SSH2: variants seen among roughly 807,000 people sequenced by gnomAD.
SSH2 encodes the protein slingshot protein phosphatase 2, also known as protein phosphatase Slingshot homolog 2.
SSH2 carries 37 observed loss-of-function variants against 135.2 expected under a neutral mutation model. The observed-to-expected ratio is 0.27, with a 90% CI of 0.21 to 0.36. SSH2 has a LOEUF of 0.36. Among genes scored for constraint, SSH2 ranks in the 10% least tolerant of loss-of-function variants. The pLI is 1.00. For missense variants in SSH2, 1,408 were observed against 1,765.3 expected (o/e 0.80, Z 3.63); for synonymous variants, 628 against 646.2 (o/e 0.97, Z 0.43).
At chr17:29,737,260 T>G (rs191764661) in intron 3 of SSH2, among the ~76,000 whole-genome samples, 2 of 152,248 alleles carry the variant, frequency 1.3e-5, no homozygotes, top group African/African-American at 4.8e-5. Flanking sequence ...ATGTCTACAC[T>G]TCCGTTTGTG....
chr17:29,795,519 T>C (rs566539128), intron 2 of SSH2, among the ~76,000 whole-genome samples: 4 of 152,174 alleles, frequency 2.6e-5, no homozygotes, highest in African/African-American at 7.2e-5. Flanking sequence ...TGAAAAAAGG[T>C]TTAAAATGGG....
intron 3 of SSH2, among the ~76,000 whole-genome samples, chr17:29,721,773 T>C (rs1288120152): frequency 2.0e-5 from 3 of 152,158 alleles, no homozygotes; most frequent in African/African-American, 7.2e-5. Flanking sequence ...GATGTGTCCT[T>C]ATTCACCATT....
At chr17:29,826,165 A>G (rs771758782) in intron 2 of SSH2, among the ~76,000 whole-genome samples, 45 of 152,298 alleles carry the variant, frequency 3.0e-4, no homozygotes, top group Non-Finnish European at 5.0e-4. Flanking sequence ...TTTCTCATTT[A>G]TGTTACATGT....
chr17:29,704,362 G>A (rs2039113365), intron 3 of SSH2, among the ~76,000 whole-genome samples: 1 of 152,116 alleles, frequency 6.6e-6, no homozygotes, highest in Non-Finnish European at 1.5e-5. Context: ...TTCACAAGAT[G>A]ATAATATAGG....
intron 4 of SSH2, among the ~76,000 whole-genome samples, chr17:29,699,116 T>C (rs187201009): frequency 1.6e-3 from 237 of 152,338 alleles, no homozygotes; most frequent in Admixed American, 0.011. Context: ...AGGCAATATA[T>C]TGATATAGCA....
At chr17:29,837,374 A>C (rs1473445630) in intron 2 of SSH2, among the ~76,000 whole-genome samples, 1 of 152,194 alleles carries the variant, frequency 6.6e-6, no homozygotes. Flanking sequence ...GAAAGAAAGG[A>C]AAAAATTAAT....
At chr17:29,875,683 T>C (rs753569014) in intron 1 of SSH2, among the ~76,000 whole-genome samples, 2 of 152,188 alleles carry the variant, frequency 1.3e-5, no homozygotes, top group Non-Finnish European at 2.9e-5. Context: ...CACTACATTA[T>C]GATCCGGCCA....
chr17:29,906,512 T>C (rs1451917986), intron 1 of SSH2, among the ~76,000 whole-genome samples: 1 of 152,054 alleles, frequency 6.6e-6, no homozygotes, highest in Non-Finnish European at 1.5e-5. Flanking sequence ...AACTGACAAA[T>C]GGGATCTAAC....
chr17:29,763,367 C>T (rs1438851208), intron 3 of SSH2, among the ~76,000 whole-genome samples: 1 of 152,040 alleles, frequency 6.6e-6, no homozygotes, highest in Non-Finnish European at 1.5e-5. Context: ...GTGTCAGCAG[C>T]CACCCAAATG....
intron 3 of SSH2, among the ~76,000 whole-genome samples, chr17:29,724,427 C>T (rs2039920529): frequency 6.8e-6 from 1 of 146,964 alleles, no homozygotes; most frequent in Non-Finnish European, 1.5e-5. Context: ...ACCTGGGAGG[C>T]TGAGGCAGGG....
At chr17:29,805,256 C>T (rs1002726665) in intron 2 of SSH2, among the ~76,000 whole-genome samples, 4 of 151,948 alleles carry the variant, frequency 2.6e-5, no homozygotes, top group Middle Eastern at 3.2e-3. Context: ...CCCGGGTTCA[C>T]GCCATTCTCC....
intron 11 of SSH2, among the ~76,000 whole-genome samples, chr17:29,659,855 G>A (rs897889085): frequency 9.4e-5 from 14 of 148,878 alleles, no homozygotes; most frequent in Admixed American, 8.1e-4. Flanking sequence ...TTTTTGAGAC[G>A]GAGTCTCGCT....
chr17:29,640,467 G>A (rs146016728), intron 14 of SSH2, among the ~76,000 whole-genome samples: 2 of 152,314 alleles, frequency 1.3e-5, no homozygotes, highest in African/African-American at 4.8e-5. Context: ...CAGCAACAGT[G>A]CATGTTTCAG....
At chr17:29,642,048 A>G (rs1473907472) in intron 14 of SSH2, among the ~76,000 whole-genome samples, 3 of 151,772 alleles carry the variant, frequency 2.0e-5, no homozygotes, top group Non-Finnish European at 4.4e-5. Context: ...GAGAAAAAGC[A>G]TTATCTGAAT....
chr17:29,717,758 G>A (rs2039676260), intron 3 of SSH2, among the ~76,000 whole-genome samples: 1 of 152,214 alleles, frequency 6.6e-6, no homozygotes, highest in Non-Finnish European at 1.5e-5. Flanking sequence ...GGGGGAGCTA[G>A]GCATGGTGGT....
intron 3 of SSH2, among the ~76,000 whole-genome samples, chr17:29,749,175 C>A (rs1489043506): frequency 6.6e-6 from 1 of 152,200 alleles, no homozygotes; most frequent in Non-Finnish European, 1.5e-5. Flanking sequence ...ATTTACAACA[C>A]ATAAGAAGCC....
chr17:29,730,040 CAGG>C (rs1204924009), intron 3 of SSH2, among the ~76,000 whole-genome samples: 2 of 151,946 alleles, frequency 1.3e-5, no homozygotes, highest in Non-Finnish European at 2.9e-5. Flanking sequence ...TAAAAGAGGC[CAGG>C]CATGGTGGCT....
chr17:29,779,524 G>T (rs889529462), intron 3 of SSH2, among the ~76,000 whole-genome samples: 1 of 152,042 alleles, frequency 6.6e-6, no homozygotes, highest in Admixed American at 6.6e-5. Context: ...GCACAGTCAG[G>T]GTGCAGAAAG....
At chr17:29,902,992 C>A (rs1423586624) in intron 1 of SSH2, among the ~76,000 whole-genome samples, 1 of 152,082 alleles carries the variant, frequency 6.6e-6, no homozygotes, top group East Asian at 1.9e-4. Context: ...TCAAGACCAG[C>A]TTGGCCAACA....
Sources: allele counts gnomAD v4.1 joint callset (sites outside exome capture counted in the v4.1 genomes callset), GRCh38; gene constraint gnomAD v4.1.1; transcripts MANE v1.5; gene names NCBI Gene and HGNC (gene_info 2026-07-23, HGNC 2026-07-21).